SLC4A10: variants seen among roughly 807,000 people sequenced by gnomAD.
SLC4A10 encodes the protein solute carrier family 4 member 10.
In SLC4A10, 42 loss-of-function variants were observed where a neutral mutation model predicts 137.7. The ratio of observed to expected loss-of-function variants is 0.30; its 90% confidence interval spans 0.24 to 0.39. The LOEUF (loss-of-function observed/expected upper bound fraction) is 0.39, where lower values mean the gene tolerates loss of function less well. Ranked by LOEUF, SLC4A10 falls within the 10% of genes least tolerant of loss-of-function variation. SLC4A10 has a pLI of 1.00. For synonymous variants in SLC4A10, 474 were observed against 464.1 expected, an observed-to-expected ratio of 1.02 and a Z score of -0.27; for missense variants, 925 against 1,355.0, an observed-to-expected ratio of 0.68 and a Z score of 4.98.
At chr2:161,716,556 A>G (rs549778739) in intron 1 of SLC4A10, among the ~76,000 whole-genome samples, 1 of 152,276 alleles carries the variant, frequency 6.6e-6, no homozygotes, top group East Asian at 1.9e-4. Context: ...TATTTATTAA[A>G]TAGGGAATCC....
chr2:161,708,858 A>G, intron 1 of SLC4A10: 3 of 1,518,924 alleles, frequency 2.0e-6, no homozygotes, highest in Non-Finnish European at 2.6e-6. Flanking sequence ...TGATGATAAT[A>G]TTAGAATGTA....
At chr2:161,945,084 C>T (rs1410254237) in intron 16 of SLC4A10, among the ~76,000 whole-genome samples, 3 of 149,620 alleles carry the variant, frequency 2.0e-5, no homozygotes, top group Non-Finnish European at 4.5e-5. Context: ...TAGTAAGTGT[C>T]AAACATTTGA....
intron 1 of SLC4A10, among the ~76,000 whole-genome samples, chr2:161,670,999 A>G (rs2039639815): frequency 6.6e-6 from 1 of 152,110 alleles, no homozygotes; most frequent in Non-Finnish European, 1.5e-5. Flanking sequence ...CTTTTCCCCA[A>G]TAATTTGGTA....
At chr2:161,688,297 T>C (rs1195587696) in intron 1 of SLC4A10, among the ~76,000 whole-genome samples, 1 of 152,182 alleles carries the variant, frequency 6.6e-6, no homozygotes, top group Non-Finnish European at 1.5e-5. Flanking sequence ...ATCATTTGAC[T>C]TAATAACCTC....
intron 6 of SLC4A10, among the ~76,000 whole-genome samples, chr2:161,867,184 A>G (rs2060811970): frequency 6.6e-6 from 1 of 151,976 alleles, no homozygotes; most frequent in East Asian, 1.9e-4. Context: ...TGTATTGTGC[A>G]TAATATTTAT....
chr2:161,684,072 C>T (rs751530066), intron 1 of SLC4A10, among the ~76,000 whole-genome samples: 3 of 152,152 alleles, frequency 2.0e-5, no homozygotes, highest in Non-Finnish European at 4.4e-5. Context: ...TGACAACCAT[C>T]GTTCTTCTTT....
chr2:161,723,063 G>T, intron 1 of SLC4A10, among the ~76,000 whole-genome samples: 1 of 152,168 alleles, frequency 6.6e-6, no homozygotes, highest in South Asian at 2.1e-4. Flanking sequence ...CAGTGATGGA[G>T]GCTGTCCCTT....
chr2:161,715,395 A>G (rs988389847), intron 1 of SLC4A10, among the ~76,000 whole-genome samples: 1 of 152,120 alleles, frequency 6.6e-6, no homozygotes, highest in Non-Finnish European at 1.5e-5. Flanking sequence ...CAGGTCTGTT[A>G]CATAGGTAAA....
Position 161,624,580 on chromosome 2 carries a change from T to A in SLC4A10, c.48+14T>A, listed in dbSNP as rs375608275. ...CTGCTGCCTACGGTAAGAGACAACC[T>A]GCTATCACATAGATTAACCGCGTTT... On this transcript the variant is annotated intron_variant, in intron 1 of 26. Coordinates refer to ENST00000446997, the MANE Select transcript of SLC4A10 (RefSeq NM_001178015.2). The A allele has an allele frequency of 7.3e-5, 114 of 1,552,054 alleles. No individual in the cohort carries two copies. The highest frequency in any genetic ancestry group is 9.8e-5 in the Non-Finnish European group (112 of 1,147,286).
intron 1 of SLC4A10, among the ~76,000 whole-genome samples, chr2:161,677,766 A>C (rs1319354235): frequency 6.6e-6 from 1 of 152,208 alleles, no homozygotes; most frequent in East Asian, 1.9e-4. Context: ...AAACTGGTAC[A>C]TAGAGAATTA....
chr2:161,980,269 A>G (rs1322557602), intron 26 of SLC4A10, among the ~76,000 whole-genome samples: 1 of 140,102 alleles, frequency 7.1e-6, no homozygotes, highest in African/African-American at 2.7e-5. Context: ...GCACTCCCCC[A>G]CCACCTTTTT....
intron 3 of SLC4A10, among the ~76,000 whole-genome samples, chr2:161,825,808 T>G (rs1393302556): frequency 1.3e-5 from 2 of 152,212 alleles, no homozygotes; most frequent in Non-Finnish European, 2.9e-5. Flanking sequence ...AGACTCATGT[T>G]ACAGCTCTTT....
At chr2:161,728,958 T>C (rs1290597386) in intron 1 of SLC4A10, among the ~76,000 whole-genome samples, 1 of 152,134 alleles carries the variant, frequency 6.6e-6, no homozygotes, top group African/African-American at 2.4e-5. Context: ...CATATGATCA[T>C]TTTAATTGAG....
At chr2:161,965,257 C>T in intron 23 of SLC4A10, 84 bp downstream of exon 23, 1 of 1,407,408 alleles carries the variant, frequency 7.1e-7, no homozygotes, top group Non-Finnish European at 9.5e-7. Context: ...TTGTTTTTAT[C>T]TTTAGACAGT....
At chr2:161,667,438 A>G (rs1181714064) in intron 1 of SLC4A10, among the ~76,000 whole-genome samples, 1 of 151,650 alleles carries the variant, frequency 6.6e-6, no homozygotes, top group Non-Finnish European at 1.5e-5. Context: ...ACCTATGAAG[A>G]AGGTTATCAG....
intron 25 of SLC4A10, 43 bp downstream of exon 25, chr2:161,976,919 G>T: frequency 2.9e-6 from 3 of 1,042,588 alleles, no homozygotes; most frequent in Non-Finnish European, 2.8e-6. Flanking sequence ...AATTCCAATT[G>T]TTTTTTGACA....
At chr2:161,942,312 G>C (rs1692856582) in intron 15 of SLC4A10, among the ~76,000 whole-genome samples, 3 of 152,122 alleles carry the variant, frequency 2.0e-5, no homozygotes, top group African/African-American at 7.2e-5. Flanking sequence ...AACTTCTAAG[G>C]CTGTTAATTT....
chr2:161,775,803 G>A (rs72877362), intron 2 of SLC4A10, among the ~76,000 whole-genome samples: 2,113 of 151,504 alleles, frequency 0.014, 26 homozygotes, highest in Non-Finnish European at 0.022. Flanking sequence ...TTTTTTTCAC[G>A]TATGAACATT....
chr2:161,660,573 T>TTTCTTTCC (rs2038175734), intron 1 of SLC4A10, among the ~76,000 whole-genome samples: 3 of 121,406 alleles, frequency 2.5e-5, no homozygotes, highest in African/African-American at 8.3e-5. Flanking sequence ...TCTTTCTTTC[T>TTTCTTTCC]TTCTTTCTTT....
Sources: gnomAD v4.1 joint callset for allele counts (sites outside exome capture counted in the v4.1 genomes callset) on GRCh38, gnomAD v4.1.1 for gene constraint, MANE v1.5 for transcripts, NCBI Gene and HGNC (gene_info 2026-07-23, HGNC 2026-07-21) for gene names.